IFNGR2: variants seen among roughly 807,000 people sequenced by gnomAD.
IFNGR2 encodes interferon gamma receptor 2.
Under a neutral mutation model 41.1 loss-of-function variants are expected in IFNGR2, and 15 were observed. The observed-to-expected ratio is 0.37, with a 90% confidence interval of 0.24 to 0.56. IFNGR2 has a LOEUF of 0.56. IFNGR2 is among the 20% of genes least tolerant of loss of function. The pLI is 0.81. For synonymous variants in IFNGR2, 161 were observed against 171.6 expected, an observed-to-expected ratio of 0.94 and a Z score of 0.48; for missense variants, 362 against 415.7, an observed-to-expected ratio of 0.87 and a Z score of 1.12.
At chr21:33,433,672 T>A (rs1311754428) in intron 6 of IFNGR2, among the ~76,000 whole-genome samples, 1 of 152,186 alleles carries the variant, frequency 6.6e-6, no homozygotes, top group East Asian at 1.9e-4. Flanking sequence ...TACAGAGTTC[T>A]GGAGATGGAT....
At chr21:33,404,953 G>A (rs1210063099) in intron 1 of IFNGR2, among the ~76,000 whole-genome samples, 2 of 152,030 alleles carry the variant, frequency 1.3e-5, no homozygotes, top group Non-Finnish European at 2.9e-5. Context: ...TGAAACCCCC[G>A]TCTGTGCTAA....
At chr21:33,426,811 ATATAATACATTGTATTATATC>A in intron 3 of IFNGR2, 52 bp from the exon 4 acceptor site, 1 of 1,019,318 alleles carries the variant, frequency 9.8e-7, no homozygotes, top group Non-Finnish European at 1.5e-6. Flanking sequence ...ATATAGCATT[ATATAATACATTGTATTATATC>A]TATAATACAT....
At chr21:33,408,458 A>G (rs568138664) in intron 1 of IFNGR2, among the ~76,000 whole-genome samples, 12 of 152,186 alleles carry the variant, frequency 7.9e-5, no homozygotes, top group African/African-American at 2.4e-4. Context: ...AACCTCCCAA[A>G]GTGCTGGGAT....
chr21:33,422,582 TAA>T (rs1278795135), intron 3 of IFNGR2, among the ~76,000 whole-genome samples: 1 of 152,032 alleles, frequency 6.6e-6, no homozygotes, highest in East Asian at 1.9e-4. Flanking sequence ...ATTGGGGGAA[TAA>T]AAAGAGTTCC....
intron 3 of IFNGR2, among the ~76,000 whole-genome samples, chr21:33,422,699 A>T (rs927954608): frequency 2.0e-5 from 3 of 151,978 alleles, no homozygotes; most frequent in Admixed American, 2.0e-4. Flanking sequence ...CAACATGGTG[A>T]AACCCCATCT....
At position 33,403,534 on chromosome 21, in the gene IFNGR2, G is replaced by A. The variant is rs2083655820; in HGVS notation, c.-10G>A. ...GCCGCGACCTGAGCCGCCGCCGAGCGCCCGGGGCCATGCGACCGACGCTGC... is the reference window on the plus strand; with the variant it reads ...GCCGCGACCTGAGCCGCCGCCGAGCACCCGGGGCCATGCGACCGACGCTGC... On this transcript the variant is annotated 5_prime_UTR_variant, in exon 1 of 7. Transcript: ENST00000290219. 1 of 1,294,056 alleles carries A rather than the reference G, an allele frequency of 7.7e-7. No individual in the cohort carries two copies. The highest frequency in any genetic ancestry group is 1.9e-5 in the South Asian group (1 of 51,418). The allele number at this position is 1,294,056 out of a possible 1,614,324, so 80.2% of individuals were successfully genotyped here.
At chr21:33,407,010 A>C (rs1234246229) in intron 1 of IFNGR2, among the ~76,000 whole-genome samples, 1 of 152,148 alleles carries the variant, frequency 6.6e-6, no homozygotes, top group East Asian at 1.9e-4. Flanking sequence ...GTAAGAGTAG[A>C]ATATGTAAAA....
Position 33,403,560 on chromosome 21 carries a change from T to G in IFNGR2, c.17T>G (p.Leu6Arg). The change falls in exon 1 of 7, where the codon CTG (leucine) becomes CGG (arginine). Residue 6 changes from leucine to arginine, a missense_variant. Physicochemically the swap from Leu to Arg is moderately radical, Grantham distance 102. Coordinates refer to ENST00000290219, the MANE Select transcript of IFNGR2 (RefSeq NM_005534.4). MRPTL[L>R]WSLLLLLGVF... ...CCCGGGGCCATGCGACCGACGCTGC[T>G]GTGGTCGCTGCTGCTGCTGCTCGGA... The G allele has an allele frequency of 7.3e-7, 1 of 1,361,742 alleles. No individual in the cohort carries two copies. Among genetic ancestry groups the G allele is most frequent in the Non-Finnish European group, 9.5e-7 (1 of 1,051,418 alleles). 84.4% of individuals were successfully genotyped at this position (1,361,742 alleles called of 1,614,324 possible). A position where few individuals can be genotyped will look rare whatever the true frequency, so the allele number is the denominator to read the frequency against.
chr21:33,432,402 GGGA>G, intron 5 of IFNGR2, 66 bp downstream of exon 5: 1 of 1,483,602 alleles, frequency 6.7e-7, no homozygotes. Context: ...AGTGAAATCG[GGGA>G]ATGCTTATGA....
intron 4 of IFNGR2, among the ~76,000 whole-genome samples, chr21:33,428,527 C>T (rs965517924): frequency 6.6e-6 from 1 of 152,158 alleles, no homozygotes; most frequent in African/African-American, 2.4e-5. Context: ...TTCCCAGCCT[C>T]CTCTTCATTT....
chr21:33,403,994 C>A (rs9974603), intron 1 of IFNGR2, among the ~76,000 whole-genome samples: 35,205 of 152,160 alleles, frequency 0.23, 5,409 homozygotes, highest in East Asian at 0.42. Flanking sequence ...CTCCGTGAAG[C>A]CGGTAACCTC....
intron 3 of IFNGR2, among the ~76,000 whole-genome samples, chr21:33,423,892 A>T (rs17885944): frequency 1.3e-5 from 2 of 151,294 alleles, no homozygotes; most frequent in Non-Finnish European, 2.9e-5. Context: ...CAGAGAAGAC[A>T]GGGCAATCCT....
chr21:33,431,163 G>A (rs1334069716), intron 4 of IFNGR2, among the ~76,000 whole-genome samples: 1 of 152,164 alleles, frequency 6.6e-6, no homozygotes, highest in Admixed American at 6.5e-5. Context: ...AACTATAGGA[G>A]GCTCAAGCAC....
At chr21:33,414,846 C>A (rs2083742591) in intron 1 of IFNGR2, 42 bp from the exon 2 acceptor site, 1 of 1,578,600 alleles carries the variant, frequency 6.3e-7, no homozygotes, top group African/African-American at 1.4e-5. Context: ...TTCCCTCTCT[C>A]TCCTCCCTTC....
At chr21:33,417,692 C>T (rs2083763377) in intron 2 of IFNGR2, among the ~76,000 whole-genome samples, 1 of 152,140 alleles carries the variant, frequency 6.6e-6, no homozygotes, top group Non-Finnish European at 1.5e-5. Context: ...TGTGAGCGCA[C>T]AGGTCACATG....
intron 6 of IFNGR2, 75 bp from the exon 7 acceptor site, chr21:33,436,753 C>T (rs924884165): frequency 1.4e-5 from 17 of 1,201,042 alleles, no homozygotes; most frequent in Middle Eastern, 3.9e-4. Context: ...AAAATAAAAA[C>T]AAAAACTAAA....
intron 2 of IFNGR2, among the ~76,000 whole-genome samples, chr21:33,416,607 G>A (rs542413208): frequency 5.3e-4 from 80 of 152,188 alleles, no homozygotes; most frequent in African/African-American, 1.8e-3. Context: ...CGGATCACGC[G>A]GTGAGGAGAT....
At chr21:33,404,562 C>T (rs1446115535) in intron 1 of IFNGR2, among the ~76,000 whole-genome samples, 3 of 152,122 alleles carry the variant, frequency 2.0e-5, no homozygotes, top group South Asian at 4.1e-4. Flanking sequence ...GTCAGCCTCC[C>T]AAGAAGGTGG....
chr21:33,434,472 A>G (rs1276756316), intron 6 of IFNGR2, among the ~76,000 whole-genome samples: 2 of 152,194 alleles, frequency 1.3e-5, no homozygotes, highest in South Asian at 2.1e-4. Flanking sequence ...CAGTAAGCCA[A>G]TATCGCACCA....
Sources: allele counts gnomAD v4.1 joint callset (sites outside exome capture counted in the v4.1 genomes callset), GRCh38; gene constraint gnomAD v4.1.1; transcripts MANE v1.5; gene names NCBI Gene and HGNC (gene_info 2026-07-23, HGNC 2026-07-21).